Variants in TEX10 observed in about 807,000 individuals in gnomAD.
TEX10 encodes the protein testis-expressed protein 10.
TEX10 carries 24 observed loss-of-function variants against 104.4 expected under a neutral mutation model. That is an observed-to-expected ratio of 0.23 (90% CI 0.17 to 0.32). TEX10 has a LOEUF of 0.32. Ranked by LOEUF, TEX10 falls within the 10% of genes least tolerant of loss-of-function variation. TEX10 has a pLI of 1.00. For synonymous variants in TEX10, 396 were observed against 393.4 expected (o/e 1.01, Z -0.08); for missense variants, 921 against 1,083.9 (o/e 0.85, Z 2.11).
intron 4 of TEX10, among the ~76,000 whole-genome samples, chr9:100,343,537 T>C (rs1315713652): frequency 3.3e-5 from 5 of 152,058 alleles, no homozygotes; most frequent in African/African-American, 9.6e-5. Context: ...CATGTAAGAC[T>C]TAATGTACCC....
At chr9:100,315,739 G>T (rs142235492) in intron 11 of TEX10, among the ~76,000 whole-genome samples, 1 of 152,066 alleles carries the variant, frequency 6.6e-6, no homozygotes, top group East Asian at 1.9e-4. Flanking sequence ...TTCTCTTTTG[G>T]CCTGTAAGGT....
chr9:100,352,093 T>A (rs1835467289), intron 1 of TEX10, among the ~76,000 whole-genome samples: 1 of 152,208 alleles, frequency 6.6e-6, no homozygotes, highest in African/African-American at 2.4e-5. Flanking sequence ...CTATAAATAG[T>A]TTGCCTGCCA....
At position 100,352,626 on chromosome 9, in the gene TEX10, G is replaced by C. The variant is rs887524433; in HGVS notation, c.-10+146C>G. On this transcript the variant is annotated intron_variant, in intron 1 of 14. Transcript: ENST00000374902. Reference sequence around the variant, plus strand: ...CGGCCGCACACCCAGGCCCAGCTCGGAGGGACGCCGCGGCCCAGACCCGGG... The same window carrying C: ...CGGCCGCACACCCAGGCCCAGCTCGCAGGGACGCCGCGGCCCAGACCCGGG... 7.0e-5 allele frequency: 103 copies of C among 1,464,312 alleles called. 1 individual carries two copies. In the South Asian group the frequency reaches 1.3e-3, roughly 19 times the overall value. The allele number at this position is 1,464,312 out of a possible 1,614,324, so 90.7% of individuals were successfully genotyped here. A position where few individuals can be genotyped will look rare whatever the true frequency, so the allele number is the denominator to read the frequency against.
intron 5 of TEX10, among the ~76,000 whole-genome samples, chr9:100,339,111 A>C (rs1052101947): frequency 2.7e-5 from 4 of 150,850 alleles, no homozygotes; most frequent in African/African-American, 9.7e-5. Context: ...AAAATTAATC[A>C]GGCATGGTGG....
intron 10 of TEX10, among the ~76,000 whole-genome samples, chr9:100,320,699 T>C (rs190245347): frequency 5.3e-5 from 8 of 152,316 alleles, no homozygotes; most frequent in Admixed American, 5.2e-4. Flanking sequence ...GCATAATCTT[T>C]CCAATTAATG....
intron 11 of TEX10, among the ~76,000 whole-genome samples, chr9:100,318,671 A>G (rs34553251): frequency 0.011 from 1,665 of 152,394 alleles, 17 homozygotes; most frequent in African/African-American, 0.016. Context: ...TTTAGTATTA[A>G]TGTTTGTGAT....
intron 5 of TEX10, among the ~76,000 whole-genome samples, chr9:100,339,211 G>A (rs1835093049): frequency 8.1e-6 from 1 of 122,946 alleles, no homozygotes; most frequent in Admixed American, 1.0e-4. Context: ...CTGAGATGGT[G>A]CCACAGCCTG....
Position 100,349,314 on chromosome 9 carries a change from T to G in TEX10, c.50A>C (p.Lys17Thr), listed in dbSNP as rs1293180289. ...TAACTTGGGCTTCTTTTTACCAACT[T>G]TCAATTTTACTTTTTGAAAATCATG... ...RQHDFQKVKL[K>T]VGKKKPKLQN... The change falls in exon 2 of 15, where the codon AAA (lysine) becomes ACA (threonine). Residue 17 changes from lysine to threonine, a missense_variant. Around this residue, in one of 3 missense-constraint regions of TEX10, gnomAD observed 118 missense variants for 111.3 expected, o/e 1.06. Coordinates refer to ENST00000374902, the MANE Select transcript of TEX10 (RefSeq NM_017746.4). 3 of 1,600,682 alleles carry G rather than the reference T, an allele frequency of 1.9e-6. No individual in the cohort carries two copies. Among genetic ancestry groups the G allele is most frequent in the Non-Finnish European group, 2.5e-6 (3 of 1,176,552 alleles).
In TEX10 at chr9:100,327,835, T is replaced by C; in HGVS notation, c.1753A>G (p.Asn585Asp). The C allele has an allele frequency of 6.3e-7, 1 of 1,598,364 alleles. No individual in the cohort carries two copies. Among genetic ancestry groups the C allele is most frequent in the Non-Finnish European group, 8.6e-7 (1 of 1,169,412 alleles). Residue 585 changes from asparagine (N) to aspartate (D), a missense_variant, in exon 8 of 15, where the codon AAT becomes GAT. Around this residue, in one of 3 missense-constraint regions of TEX10, gnomAD observed 753 missense variants for 868.4 expected, o/e 0.87. Coordinates refer to ENST00000374902, the MANE Select transcript of TEX10 (RefSeq NM_017746.4). Reference protein sequence around the residue: ...DIIHTAAARANKELLKSLQAT... With the variant: ...DIIHTAAARADKELLKSLQAT... Reference sequence around the variant, plus strand: ...TGTAAACTTTTTAGTAATTCTTTATTTGCTCGTGCTGCAGCGGTATGAATG... The same window carrying C: ...TGTAAACTTTTTAGTAATTCTTTATCTGCTCGTGCTGCAGCGGTATGAATG...
At chr9:100,314,253 A>G (rs1474044728) in intron 11 of TEX10, among the ~76,000 whole-genome samples, 1 of 151,882 alleles carries the variant, frequency 6.6e-6, no homozygotes, top group Non-Finnish European at 1.5e-5. Context: ...ACACCTGGGT[A>G]ACTTTTGTAT....
intron 9 of TEX10, among the ~76,000 whole-genome samples, chr9:100,322,356 T>C (rs1834591248): frequency 6.6e-6 from 1 of 152,172 alleles, no homozygotes; most frequent in South Asian, 2.1e-4. Context: ...CAGCTTCCCA[T>C]TAAATGAGGA....
rs1489763828 is a variant in TEX10, at chr9:100,321,770, A to T, written c.1981T>A (p.Ser661Thr). The change falls in exon 10 of 15, where the codon TCA becomes ACA. Residue 661 changes from serine (S) to threonine (T), a missense_variant and splice_region_variant. Physicochemically the swap from Ser to Thr is moderately conservative, Grantham distance 58. Transcript: ENST00000374902. ...GAATACTTCCACCCAGAAAATGATG[A>T]TCTATAAAAAACAAAGGGAGAACTA... is the stretch of plus-strand genomic sequence containing the variant. The part of the protein sequence containing the change: ...AMLIGILHMR[S>T]SFSGWKYSAK... 19 of 1,610,958 alleles carry T rather than the reference A, an allele frequency of 1.2e-5. No homozygotes were observed. The highest frequency in any genetic ancestry group is 3.3e-5 in the Admixed American group (2 of 59,934).
intron 4 of TEX10, among the ~76,000 whole-genome samples, chr9:100,341,915 T>C (rs937893183): frequency 6.6e-6 from 1 of 152,192 alleles, no homozygotes; most frequent in African/African-American, 2.4e-5. Flanking sequence ...ATGCAGATCA[T>C]GCCACTCCTC....
chr9:100,303,609 G>C (rs1482224352), intron 14 of TEX10, 23 bp downstream of exon 14: 2 of 1,611,488 alleles, frequency 1.2e-6, no homozygotes, highest in South Asian at 2.2e-5. Context: ...ATACTGCAAA[G>C]CCTCCGGTAC....
In TEX10 at chr9:100,325,814, C is replaced by A. The variant is rs1834692517; in HGVS notation, c.1979+488G>T. On this transcript the variant is annotated intron_variant, in intron 9 of 14. Transcript: ENST00000374902. ...AAAATGCTGGGATTACAGGCATGAG[C>A]CACTACGCCTGGCAAAACTTTTCAA... Among the ~76,000 whole-genome samples, 3 of 152,084 alleles carry A rather than the reference C, an allele frequency of 2.0e-5. No individual in the cohort carries two copies. The East Asian group carries it at 5.8e-4, about 29-fold the overall frequency.
chr9:100,305,902 A>G (rs1588162141), intron 13 of TEX10: 2 of 152,324 alleles, frequency 1.3e-5, no homozygotes, highest in Middle Eastern at 3.4e-3. Context: ...GAACTCCCAC[A>G]AAAGACACAC....
chr9:100,320,116 C>T, intron 11 of TEX10, 149 bp downstream of exon 11: 2 of 694,964 alleles, frequency 2.9e-6, no homozygotes, highest in African/African-American at 1.8e-5. Flanking sequence ...TTTCCCTTTT[C>T]AAACGTACTT....
intron 5 of TEX10, among the ~76,000 whole-genome samples, chr9:100,336,058 T>C (rs562920733): frequency 1.3e-5 from 2 of 151,396 alleles, no homozygotes; most frequent in Non-Finnish European, 2.9e-5. Context: ...TCCCAGCTAC[T>C]TGGGAGGCTG....
At chr9:100,306,255 A>G (rs941317321) in intron 13 of TEX10, 1 of 152,182 alleles carries the variant, frequency 6.6e-6, no homozygotes, top group African/African-American at 2.4e-5. Flanking sequence ...ATGGGGGAAG[A>G]TGGTTAAAAA....
Sources: allele counts gnomAD v4.1 joint callset (sites outside exome capture counted in the v4.1 genomes callset), GRCh38; gene constraint gnomAD v4.1.1; regional missense constraint gnomAD v4.1.1; transcripts MANE v1.5; gene names NCBI Gene and HGNC (gene_info 2026-07-23, HGNC 2026-07-21).